Variants in ATP2B3 observed in about 807,000 individuals in gnomAD.
ATP2B3 encodes plasma membrane calcium-transporting ATPase 3.
ATP2B3 carries 12 observed loss-of-function variants against 70.8 expected under a neutral mutation model. The ratio of observed to expected loss-of-function variants is 0.17; its 90% CI spans 0.11 to 0.27. The LOEUF (loss-of-function observed/expected upper bound fraction) is 0.27, where lower values mean the gene tolerates loss of function less well. Among genes scored for constraint, ATP2B3 ranks in the 10% least tolerant of loss-of-function variants. ATP2B3 has a pLI of 1.00. For synonymous variants in ATP2B3, 460 were observed against 497.8 expected (o/e 0.92, Z 1.01); for missense variants, 858 against 1,118.5 (o/e 0.77, Z 3.32).
At chrX:153,572,437 T>C (rs191158891) in intron 21 of ATP2B3, among the ~76,000 whole-genome samples, 83 of 112,337 alleles carry the variant, frequency 7.4e-4, no homozygotes, top group Middle Eastern at 4.6e-3. Context: ...GAAGGGCCGG[T>C]GGTTGGTAGC....
intron 3 of ATP2B3, among the ~76,000 whole-genome samples, chrX:153,536,677 G>A (rs1477813541): frequency 1.8e-5 from 2 of 112,418 alleles, no homozygotes; most frequent in African/African-American, 6.5e-5. Flanking sequence ...GAGCGAGACT[G>A]GGGAGGGGGA....
chrX:153,537,674 G>A (rs1160675166), intron 3 of ATP2B3, among the ~76,000 whole-genome samples: 1 of 112,383 alleles, frequency 8.9e-6, no homozygotes, highest in Non-Finnish European at 1.9e-5. Context: ...TGCTGCTGGG[G>A]CTGATGCCTT....
rs1252780616 is a variant in ATP2B3 at position 153,581,331 on chromosome X, C to A, written c.*1033C>A. On this transcript the variant is annotated 3_prime_UTR_variant, in exon 22 of 22. Transcript: ENST00000263519. ...GAAATTTTAATCTAAAAGGAAAAAACCAAAATATTGATGAGAAGGAGTCCT... is the reference window on the plus strand; with the variant it reads ...GAAATTTTAATCTAAAAGGAAAAAAACAAAATATTGATGAGAAGGAGTCCT... 2 of 111,779 alleles carry A rather than the reference C, an allele frequency of 1.8e-5. No individual in the cohort carries two copies. The highest frequency in any genetic ancestry group is 9.4e-5 in the Admixed American group (1 of 10,638). The allele number at this position is 111,779 out of a possible 1,213,427, so 9.2% of individuals were successfully genotyped here.
chrX:153,552,839 C>T (rs2090477637), intron 12 of ATP2B3, among the ~76,000 whole-genome samples, 196 bp from the exon 13 acceptor site: 1 of 112,418 alleles, frequency 8.9e-6, no homozygotes, highest in Non-Finnish European at 1.9e-5. Context: ...TCGCGTTCCT[C>T]AGCTTGCAGC....
At chrX:153,550,609 G>A (rs1244108689) in intron 12 of ATP2B3, among the ~76,000 whole-genome samples, 1 of 111,834 alleles carries the variant, frequency 8.9e-6, no homozygotes, top group Admixed American at 9.4e-5. Flanking sequence ...TTTTGTGTCT[G>A]GCTTCTTTCC....
chrX:153,528,452 C>A (rs1006436412), intron 2 of ATP2B3, among the ~76,000 whole-genome samples: 3 of 111,530 alleles, frequency 2.7e-5, no homozygotes, highest in African/African-American at 9.8e-5. Flanking sequence ...GACAATATCA[C>A]CCCCCAGGGA....
intron 19 of ATP2B3, 33 bp from the exon 20 acceptor site, chrX:153,562,102 T>C (rs1557016568): frequency 1.7e-6 from 2 of 1,183,540 alleles, no homozygotes; most frequent in East Asian, 5.9e-5. Flanking sequence ...GAGCCGCGGC[T>C]GGACCTGCCT....
chrX:153,541,919 C>G lies in ATP2B3; in HGVS notation c.657C>G (p.Val219=), dbSNP rs782560771. 8.3e-7 allele frequency: 1 copy of G among 1,210,725 alleles called. No individual in the cohort carries two copies. The highest frequency in any genetic ancestry group is 1.7e-5 in the African/African-American group (1 of 57,789). The change falls in exon 5 of 22, where the codon GTC becomes GTG. Residue 219 remains valine, a synonymous_variant. Coordinates refer to ENST00000263519, the MANE Select transcript of ATP2B3 (RefSeq NM_001001344.3). ...TGGTGGTGGGGGACATTGCCCAGGT[C>G]AAGTACGGTGAGTGCCCTGGTCTTC... ...AALVVGDIAQ[V]KYGDLLPADG...
chrX:153,559,612 G>T, intron 17 of ATP2B3, 117 bp from the exon 18 acceptor site: 1 of 608,173 alleles, frequency 1.6e-6, no homozygotes, highest in South Asian at 2.7e-5. Context: ...CTGTTTTCAT[G>T]GGCATGAAAT....
intron 12 of ATP2B3, among the ~76,000 whole-genome samples, chrX:153,551,183 G>A (rs1229875247): frequency 3.6e-5 from 4 of 112,374 alleles, no homozygotes; most frequent in East Asian, 2.8e-4. Context: ...TCCCACCAGC[G>A]ACATAGGAGG....
intron 2 of ATP2B3, among the ~76,000 whole-genome samples, chrX:153,519,249 A>T (rs1232038245): frequency 3.6e-5 from 4 of 112,314 alleles, no homozygotes; most frequent in African/African-American, 9.7e-5. Flanking sequence ...CATTTTTCAG[A>T]TGGGATCATT....
chrX:153,559,890 T>A lies in ATP2B3; in HGVS notation c.2787T>A (p.Ile929=), dbSNP rs2124491923. 2.5e-6 allele frequency: 3 copies of A among 1,211,799 alleles called. No individual in the cohort carries two copies. The highest frequency in any genetic ancestry group is 3.4e-6 in the Non-Finnish European group (3 of 895,469). Residue 929 remains isoleucine, a synonymous_variant, in exon 18 of 22, where the codon ATT becomes ATA. Transcript: ENST00000263519. ...TCTCCCGCACCATGATGAAGAACAT[T>A]CTGGGCCACGCCGTGTACCAGCTCG... ...PLISRTMMKN[I]LGHAVYQLAI...
At chrX:153,529,885 G>A (rs782479038) in intron 2 of ATP2B3, among the ~76,000 whole-genome samples, 12 of 112,398 alleles carry the variant, frequency 1.1e-4, no homozygotes, top group Admixed American at 3.7e-4. Flanking sequence ...GTTGAAGCCC[G>A]TCTCAGAATG....
In ATP2B3 at chrX:153,518,538, A is replaced by G. The variant is rs1410201565; in HGVS notation, c.-140A>G. ...AAAGCTCTGGCTTTAAGATTCTGGA[A>G]TTTGGAATGGCAGGTGCGGCATCTC... On this transcript the variant is annotated 5_prime_UTR_variant, in exon 2 of 22. Transcript: ENST00000263519. Among the ~76,000 whole-genome samples, 1 of 112,377 alleles carries G rather than the reference A, an allele frequency of 8.9e-6. No individual in the cohort carries two copies. The highest frequency in any genetic ancestry group is 9.3e-5 in the Admixed American group (1 of 10,745).
rs1183818803 is a variant in ATP2B3, at chrX:153,518,426, C to T, written c.-246-6C>T. 8.8e-6 allele frequency among the ~76,000 whole-genome samples: 1 copy of T among 113,312 alleles called. No homozygotes were observed. The highest frequency in any genetic ancestry group is 3.2e-5 in the African/African-American group (1 of 31,239). On this transcript the variant is annotated splice_region_variant and splice_polypyrimidine_tract_variant and intron_variant, in intron 1 of 21. Coordinates refer to ENST00000263519, the MANE Select transcript of ATP2B3 (RefSeq NM_001001344.3). ...CCGCACTTAGGTAACTTCTCCATCC[C>T]TCCAGGAACGGCTGTCTCCCCCTCC...
At chrX:153,523,792 T>A (rs1238399237) in intron 2 of ATP2B3, among the ~76,000 whole-genome samples, 2 of 105,516 alleles carry the variant, frequency 1.9e-5, no homozygotes, top group Non-Finnish European at 3.9e-5. Flanking sequence ...ACCTCCAGGG[T>A]TCGAGCCATT....
intron 20 of ATP2B3, 152 bp from the exon 21 acceptor site, chrX:153,564,769 A>T: frequency 1.8e-6 from 1 of 545,668 alleles, no homozygotes; most frequent in East Asian, 4.1e-5. Context: ...TCCCGGGGGG[A>T]CTGCTCTAGC....
intron 21 of ATP2B3, among the ~76,000 whole-genome samples, chrX:153,578,003 C>T (rs1372627150): frequency 9.0e-6 from 1 of 111,521 alleles, no homozygotes; most frequent in African/African-American, 3.3e-5. Context: ...CCTAGCTGAG[C>T]CCCTGGAGGG....
At chrX:153,549,900 T>C in intron 11 of ATP2B3, 145 bp from the exon 12 acceptor site, 1 of 1,080,896 alleles carries the variant, frequency 9.3e-7, no homozygotes, top group Non-Finnish European at 1.2e-6. Flanking sequence ...GGAAACTGCC[T>C]GTAGCTAAGG....
Sources: gnomAD v4.1 joint callset for allele counts (sites outside exome capture counted in the v4.1 genomes callset) on GRCh38, gnomAD v4.1.1 for gene constraint, MANE v1.5 for transcripts, NCBI Gene and HGNC (gene_info 2026-07-23, HGNC 2026-07-21) for gene names.